ADARB2: variants seen among roughly 807,000 people sequenced by gnomAD.
ADARB2 encodes inactive double-stranded RNA-specific editase B2.
In ADARB2, 25 loss-of-function variants were observed where a neutral mutation model predicts 62.2. The observed-to-expected ratio is 0.40, with a 90% CI of 0.29 to 0.56. ADARB2 has a LOEUF of 0.56. ADARB2 is among the 20% of genes least tolerant of loss of function. ADARB2 has a pLI of 0.43. For synonymous variants in ADARB2, 572 were observed against 500.8 expected (o/e 1.14, Z -1.90); for missense variants, 1,071 against 1,077.4 (o/e 0.99, Z 0.08).
intron 1 of ADARB2, among the ~76,000 whole-genome samples, chr10:1,390,155 A>G (rs753082171): frequency 6.6e-6 from 1 of 152,244 alleles, no homozygotes; most frequent in Non-Finnish European, 1.5e-5. Context: ...ATTTTACATT[A>G]TGATATAGAT....
chr10:1,358,907 T>G (rs1832222864), intron 3 of ADARB2, among the ~76,000 whole-genome samples: 1 of 152,232 alleles, frequency 6.6e-6, no homozygotes, highest in Non-Finnish European at 1.5e-5. Flanking sequence ...GATTTATTTA[T>G]TTTTACTGGC....
intron 1 of ADARB2, among the ~76,000 whole-genome samples, chr10:1,724,284 A>G (rs1318793792): frequency 6.6e-6 from 1 of 152,188 alleles, no homozygotes. Flanking sequence ...ATACAGAACC[A>G]TGAGGTGCAC....
At chr10:1,568,691 C>T (rs953244035) in intron 1 of ADARB2, among the ~76,000 whole-genome samples, 3 of 152,072 alleles carry the variant, frequency 2.0e-5, no homozygotes, top group Admixed American at 6.5e-5. Flanking sequence ...GTTTGGAGAC[C>T]AGGCCCTTGG....
At chr10:1,566,111 C>T (rs1407129242) in intron 1 of ADARB2, among the ~76,000 whole-genome samples, 1 of 123,100 alleles carries the variant, frequency 8.1e-6, no homozygotes, top group Admixed American at 8.0e-5. Context: ...AAAAAAAAAA[C>T]TCCCCTGTGT....
chr10:1,714,462 G>A (rs111674614), intron 1 of ADARB2, among the ~76,000 whole-genome samples: 10 of 152,298 alleles, frequency 6.6e-5, no homozygotes, highest in South Asian at 6.2e-4. Flanking sequence ...CTCTAGGCAC[G>A]CATCTGAACC....
intron 1 of ADARB2, among the ~76,000 whole-genome samples, chr10:1,710,148 T>A (rs1466067527): frequency 6.6e-6 from 1 of 152,220 alleles, no homozygotes; most frequent in Non-Finnish European, 1.5e-5. Context: ...TCCTCATTGT[T>A]AATGATTTAT....
intron 7 of ADARB2, among the ~76,000 whole-genome samples, chr10:1,209,514 C>G (rs1196252781): frequency 9.0e-6 from 1 of 111,376 alleles, no homozygotes; most frequent in South Asian, 3.6e-4. Context: ...TACACTGTCA[C>G]CCATGCCCAC....
intron 4 of ADARB2, among the ~76,000 whole-genome samples, chr10:1,251,796 T>C (rs1250298444): frequency 6.6e-6 from 1 of 152,160 alleles, no homozygotes; most frequent in Non-Finnish European, 1.5e-5. Flanking sequence ...TAAAAGAGAC[T>C]TCAGACAGAG....
intron 1 of ADARB2, among the ~76,000 whole-genome samples, chr10:1,656,839 C>T (rs979310900): frequency 2.0e-5 from 3 of 150,180 alleles, no homozygotes; most frequent in Non-Finnish European, 1.5e-5. Context: ...CTTATTTATC[C>T]TGTTGCCCAG....
intron 4 of ADARB2, among the ~76,000 whole-genome samples, chr10:1,267,531 G>T (rs1831217030): frequency 6.6e-6 from 1 of 152,210 alleles, no homozygotes; most frequent in Non-Finnish European, 1.5e-5. Context: ...TGGGAGAGAG[G>T]CAGGTACCCT....
At chr10:1,709,330 G>A (rs769817983) in intron 1 of ADARB2, among the ~76,000 whole-genome samples, 6 of 152,196 alleles carry the variant, frequency 3.9e-5, no homozygotes, top group South Asian at 2.1e-4. Context: ...GTTTAGTCTT[G>A]TAAAACTGTA....
At chr10:1,308,599 C>T (rs1031074505) in intron 3 of ADARB2, among the ~76,000 whole-genome samples, 1 of 152,200 alleles carries the variant, frequency 6.6e-6, no homozygotes, top group Non-Finnish European at 1.5e-5. Context: ...AGTGGGTGCA[C>T]CATTTTGCAC....
intron 1 of ADARB2, among the ~76,000 whole-genome samples, chr10:1,710,966 A>G (rs927871694): frequency 6.6e-6 from 1 of 151,624 alleles, no homozygotes; most frequent in Admixed American, 6.6e-5. Context: ...TTTTGGCCCA[A>G]CCCCCTGTGC....
chr10:1,461,697 A>T (rs1364556348), intron 1 of ADARB2, among the ~76,000 whole-genome samples: 2 of 151,658 alleles, frequency 1.3e-5, no homozygotes, highest in African/African-American at 4.9e-5. Context: ...AGCATCACAG[A>T]TGATTTTAAA....
intron 1 of ADARB2, among the ~76,000 whole-genome samples, chr10:1,603,245 G>A (rs1465292447): frequency 6.6e-6 from 1 of 152,200 alleles, no homozygotes; most frequent in Non-Finnish European, 1.5e-5. Context: ...TCGGACAATT[G>A]GTAGGCAGCA....
intron 3 of ADARB2, among the ~76,000 whole-genome samples, chr10:1,302,490 A>G (rs1831583852): frequency 6.6e-6 from 1 of 152,306 alleles, no homozygotes; most frequent in Admixed American, 6.5e-5. Context: ...TAGGTAAACA[A>G]AGCAGCCGGG....
intron 3 of ADARB2, among the ~76,000 whole-genome samples, chr10:1,308,265 C>T (rs1056815191): frequency 1.3e-4 from 20 of 152,076 alleles, no homozygotes; most frequent in Middle Eastern, 3.2e-3. Flanking sequence ...TGGAATCATA[C>T]AACATGTATG....
At chr10:1,546,783 G>C (rs779091537) in intron 1 of ADARB2, among the ~76,000 whole-genome samples, 1 of 152,230 alleles carries the variant, frequency 6.6e-6, no homozygotes, top group African/African-American at 2.4e-5. Context: ...CCCATCTCCC[G>C]ATAGCCATTC....
At chr10:1,643,252 AT>A (rs1192737251) in intron 1 of ADARB2, among the ~76,000 whole-genome samples, 1 of 152,234 alleles carries the variant, frequency 6.6e-6, no homozygotes, top group Non-Finnish European at 1.5e-5. Context: ...GGTGTTAATG[AT>A]GTTTTACATG....
Sources: allele counts gnomAD v4.1 joint callset (sites outside exome capture counted in the v4.1 genomes callset), GRCh38; gene constraint gnomAD v4.1.1; transcripts MANE v1.5; gene names NCBI Gene and HGNC (gene_info 2026-07-23, HGNC 2026-07-21).